Variants in SRGAP2 observed in about 807,000 individuals in gnomAD.
SRGAP2 encodes the protein SLIT-ROBO Rho GTPase-activating protein 2.
In SRGAP2, 15 loss-of-function variants were observed where a neutral mutation model predicts 57.2. That is an observed-to-expected ratio of 0.26 (90% CI 0.18 to 0.40). SRGAP2 has a LOEUF of 0.40. Among genes scored for constraint, SRGAP2 ranks in the 10% least tolerant of loss-of-function variants. The pLI, the probability that SRGAP2 is intolerant of heterozygous loss-of-function variation, is 1.00. For synonymous variants in SRGAP2, 249 were observed against 248.0 expected, an observed-to-expected ratio of 1.00 and a Z score of -0.04; for missense variants, 520 against 669.6, an observed-to-expected ratio of 0.78 and a Z score of 2.47.
chr1:206,372,907 CTT>C (rs1301297687), intron 4 of SRGAP2, among the ~76,000 whole-genome samples: 1 of 5,596 alleles, frequency 1.8e-4, no homozygotes, highest in African/African-American at 2.7e-3. Context: ...TCCTTTCTTT[CTT>C]TCTTTCTTTC....
At chr1:206,302,715 A>G (rs1200453782) in intron 2 of SRGAP2, among the ~76,000 whole-genome samples, 2 of 151,422 alleles carry the variant, frequency 1.3e-5, no homozygotes, top group East Asian at 1.9e-4. Flanking sequence ...TCTCCATTAA[A>G]ATATCCTGAC....
intron 7 of SRGAP2, among the ~76,000 whole-genome samples, chr1:206,396,964 AAACTT>A (rs370028759): frequency 5.6e-4 from 83 of 149,298 alleles, no homozygotes; most frequent in African/African-American, 2.0e-3. Flanking sequence ...TACAGTAACT[AAACTT>A]AAGTGTTACA....
chr1:206,366,012 G>T (rs1653971418), intron 4 of SRGAP2, among the ~76,000 whole-genome samples: 1 of 152,162 alleles, frequency 6.6e-6, no homozygotes, highest in African/African-American at 2.4e-5. Flanking sequence ...CAGTACTGAT[G>T]AGTCCAAAAA....
Position 206,307,407 on chromosome 1 carries a change from C to G in SRGAP2, c.260+3934C>G, listed in dbSNP as rs1234319417. Among the ~76,000 whole-genome samples, 210 of 151,818 alleles carry G rather than the reference C, an allele frequency of 1.4e-3. 1 individual carries two copies. The highest frequency in any genetic ancestry group is 5.0e-3 in the African/African-American group (205 of 41,090). ...TGGCTTCATCTAGTGGATCCCGCAC[C>G]GGGGCTGCAGGTGGAGCTGCCTGCC... On this transcript the variant is annotated intron_variant, in intron 3 of 22. Coordinates refer to ENST00000573034, the MANE Select transcript of SRGAP2 (RefSeq NM_015326.5).
chr1:206,416,882 A>G (rs922199907), intron 11 of SRGAP2, among the ~76,000 whole-genome samples: 1 of 152,144 alleles, frequency 6.6e-6, no homozygotes, highest in African/African-American at 2.4e-5. Context: ...GTACTTACAC[A>G]GAGATCTGAC....
At chr1:206,298,390 C>T (rs1411615204) in intron 2 of SRGAP2, among the ~76,000 whole-genome samples, 9 of 152,314 alleles carry the variant, frequency 5.9e-5, no homozygotes, top group South Asian at 2.1e-4. Context: ...ACCAAGAATC[C>T]GTTCCTCCTT....
intron 5 of SRGAP2, among the ~76,000 whole-genome samples, chr1:206,386,553 T>G (rs1451625773): frequency 7.4e-6 from 1 of 134,334 alleles, no homozygotes; most frequent in Non-Finnish European, 1.6e-5. Flanking sequence ...ATCCCAGCAC[T>G]TTGGGAGGCT....
intron 4 of SRGAP2, among the ~76,000 whole-genome samples, chr1:206,375,469 A>G (rs558432884): frequency 6.6e-6 from 1 of 152,304 alleles, no homozygotes; most frequent in African/African-American, 2.4e-5. Flanking sequence ...AGGGTAAAAG[A>G]TGGAAATTTG....
intron 13 of SRGAP2, among the ~76,000 whole-genome samples, chr1:206,425,142 C>T (rs1356062612): frequency 6.6e-6 from 1 of 152,176 alleles, no homozygotes; most frequent in Non-Finnish European, 1.5e-5. Flanking sequence ...TCCAGCTTTC[C>T]TCTCTCTAGG....
At chr1:206,369,463 AC>A (rs1404834014) in intron 4 of SRGAP2, among the ~76,000 whole-genome samples, 1 of 151,950 alleles carries the variant, frequency 6.6e-6, no homozygotes, top group East Asian at 1.9e-4. Context: ...AAATGAAAAG[AC>A]AGCTATAGAA....
intron 11 of SRGAP2, among the ~76,000 whole-genome samples, chr1:206,416,248 G>T (rs1659692729): frequency 6.6e-6 from 1 of 152,150 alleles, no homozygotes; most frequent in South Asian, 2.1e-4. Flanking sequence ...CGCCTCCTCT[G>T]CCACGACTAG....
intron 10 of SRGAP2, among the ~76,000 whole-genome samples, chr1:206,409,985 C>A (rs1202782601): frequency 6.6e-6 from 1 of 152,118 alleles, no homozygotes; most frequent in Non-Finnish European, 1.5e-5. Flanking sequence ...CCTGTAATCC[C>A]AGCTACTCAG....
chr1:206,411,496 GTAT>G (rs1558402855), intron 10 of SRGAP2, among the ~76,000 whole-genome samples: 1 of 152,176 alleles, frequency 6.6e-6, no homozygotes, highest in Non-Finnish European at 1.5e-5. Flanking sequence ...ACTCTATTAT[GTAT>G]TCTATCTGAC....
At chr1:206,307,891 A>G (rs1293913331) in intron 3 of SRGAP2, among the ~76,000 whole-genome samples, 7 of 152,018 alleles carry the variant, frequency 4.6e-5, no homozygotes, top group African/African-American at 1.5e-4. Flanking sequence ...CAGCCCAGAA[A>G]GGGGCTCCCA....
chr1:206,423,046 CAA>C (rs1176804129), intron 13 of SRGAP2, among the ~76,000 whole-genome samples: 2 of 152,148 alleles, frequency 1.3e-5, no homozygotes, highest in Admixed American at 6.5e-5. Flanking sequence ...ATCAGGCAAA[CAA>C]GAGGAAGAAG....
intron 4 of SRGAP2, among the ~76,000 whole-genome samples, chr1:206,381,284 G>A (rs1655692963): frequency 6.6e-6 from 1 of 150,866 alleles, no homozygotes; most frequent in African/African-American, 2.4e-5. Flanking sequence ...AGGAATAGGA[G>A]CTTTCTCCTT....
intron 2 of SRGAP2, among the ~76,000 whole-genome samples, chr1:206,252,356 A>G (rs1668892648): frequency 2.0e-5 from 3 of 151,986 alleles, no homozygotes; most frequent in Admixed American, 6.6e-5. Flanking sequence ...TTTAGAAATA[A>G]GTGTGAGTCC....
chr1:206,456,621 A>T (rs1482731992), intron 21 of SRGAP2, among the ~76,000 whole-genome samples: 1 of 152,204 alleles, frequency 6.6e-6, no homozygotes, highest in African/African-American at 2.4e-5. Flanking sequence ...AAGAAGAAAA[A>T]AAAAGAGTAT....
Position 206,419,390 on chromosome 1 carries a change from A to C in SRGAP2, c.1459A>C (p.Ser487Arg), listed in dbSNP as rs1553363459. Residue 487 changes from serine (S) to arginine (R), a missense_variant, in exon 12 of 23, where the codon AGT becomes CGT. By Grantham distance (110) the Ser-to-Arg change is moderately radical. Coordinates refer to ENST00000573034, the MANE Select transcript of SRGAP2 (RefSeq NM_015326.5). ...TCCAACAGGTCAGCGGACAGATTGCAGTCTAGCCAGGTGAGTGTGGCCTGG... is the reference window on the plus strand; with the variant it reads ...TCCAACAGGTCAGCGGACAGATTGCCGTCTAGCCAGGTGAGTGTGGCCTGG... ...TLGESQRTDC[S>R]LARRSSTVRK... The C allele has an allele frequency of 2.6e-6, 2 of 780,806 alleles. No homozygotes were observed. The highest frequency in any genetic ancestry group is 3.4e-5 in the Admixed American group (2 of 59,038). 48.4% of individuals were successfully genotyped at this position (780,806 alleles called of 1,614,324 possible). A position where few individuals can be genotyped will look rare whatever the true frequency, so the allele number is the denominator to read the frequency against.
Sources: allele counts gnomAD v4.1 joint callset (sites outside exome capture counted in the v4.1 genomes callset), GRCh38; gene constraint gnomAD v4.1.1; transcripts MANE v1.5; gene names NCBI Gene and HGNC (gene_info 2026-07-23, HGNC 2026-07-21).